The following CEP128 variants were observed in gnomAD, a reference collection of about 807,000 sequenced individuals.
CEP128 encodes centrosomal protein 128kDa.
In CEP128, 132 loss-of-function variants were observed where a neutral mutation model predicts 156.7. The ratio of observed to expected loss-of-function variants is 0.84; its 90% confidence interval spans 0.73 to 0.97. The LOEUF (loss-of-function observed/expected upper bound fraction) is 0.97. CEP128 is among the 50% of genes least tolerant of loss of function. The pLI, the probability that CEP128 is intolerant of heterozygous loss-of-function variation, is 0.00. For synonymous variants in CEP128, 469 were observed against 448.9 expected (o/e 1.04, Z -0.57); for missense variants, 1,252 against 1,281.9 (o/e 0.98, Z 0.36).
At chr14:80,539,265 ATTTTAGACACAGGGGTCTG>A (rs1458288487) in intron 21 of CEP128, among the ~76,000 whole-genome samples, 2 of 152,176 alleles carry the variant, frequency 1.3e-5, no homozygotes, top group Non-Finnish European at 2.9e-5. Flanking sequence ...TAGGGTTTCT[ATTTTAGACACAGGGGTCTG>A]TGACAGCCTC....
Position 80,916,537 on chromosome 14 carries a change from G to A in CEP128, c.11C>T (p.Ser4Leu). Residue 4 changes from serine (S) to leucine (L), a missense_variant, in exon 3 of 25, where the codon TCA becomes TTA. Physicochemically the swap from Ser to Leu is moderately radical, Grantham distance 145. Coordinates refer to ENST00000555265, the MANE Select transcript of CEP128 (RefSeq NM_152446.5). MAE[S>L]SSESDHFRCR... ...GCGGAAGTGATCTGATTCGCTGGAT[G>A]ATTCTGCCATTGATGTACACAAATC... The A allele has an allele frequency of 6.2e-7, 1 of 1,613,494 alleles. No individual in the cohort carries two copies. The highest frequency in any genetic ancestry group is 1.1e-5 in the South Asian group (1 of 90,970).
chr14:80,533,786 C>G (rs1889345575), intron 21 of CEP128, among the ~76,000 whole-genome samples: 1 of 152,054 alleles, frequency 6.6e-6, no homozygotes, highest in Non-Finnish European at 1.5e-5. Flanking sequence ...TCCTCAATAT[C>G]AGAAACACTT....
At chr14:80,893,418 T>C (rs890637518) in intron 8 of CEP128, among the ~76,000 whole-genome samples, 6 of 150,668 alleles carry the variant, frequency 4.0e-5, no homozygotes, top group Non-Finnish European at 8.9e-5. Flanking sequence ...ATCTAAAGTA[T>C]AACATGAGAA....
chr14:80,873,416 G>A (rs1006365000), intron 8 of CEP128, among the ~76,000 whole-genome samples: 4 of 152,206 alleles, frequency 2.6e-5, no homozygotes, highest in African/African-American at 9.7e-5. Flanking sequence ...TTTGCTATGT[G>A]AAAGAAATCC....
chr14:80,783,352 T>G (rs1217805657), intron 15 of CEP128, among the ~76,000 whole-genome samples: 2 of 152,072 alleles, frequency 1.3e-5, no homozygotes, highest in African/African-American at 4.8e-5. Context: ...TTACCTGAGT[T>G]CAAATCCTTT....
At chr14:80,599,198 G>A (rs1757733209) in intron 19 of CEP128, among the ~76,000 whole-genome samples, 1 of 151,158 alleles carries the variant, frequency 6.6e-6, no homozygotes, top group African/African-American at 2.4e-5. Flanking sequence ...CCTCTTTGAG[G>A]TTAACACCTC....
chr14:80,709,141 T>A (rs1015050257), intron 19 of CEP128, among the ~76,000 whole-genome samples: 2 of 150,260 alleles, frequency 1.3e-5, no homozygotes, highest in African/African-American at 2.5e-5. Flanking sequence ...ATTTTTAGGG[T>A]TTTTGTTTTT....
intron 14 of CEP128, among the ~76,000 whole-genome samples, chr14:80,481,621 A>G (rs1293269918): frequency 6.6e-6 from 1 of 152,240 alleles, no homozygotes. Flanking sequence ...TAGAAATGGA[A>G]AGTGACCCAG....
intron 1 of CEP128, among the ~76,000 whole-genome samples, chr14:80,941,315 A>G (rs908456324): frequency 4.6e-5 from 7 of 152,122 alleles, no homozygotes; most frequent in African/African-American, 1.7e-4. Context: ...GCTGCTCCCA[A>G]AGGAAGGACA....
chr14:80,540,765 G>C (rs914156083), intron 21 of CEP128, among the ~76,000 whole-genome samples: 1 of 152,100 alleles, frequency 6.6e-6, no homozygotes, highest in Admixed American at 6.5e-5. Context: ...TTACTCCTAG[G>C]CTGGGGACTT....
intron 9 of CEP128, among the ~76,000 whole-genome samples, chr14:80,854,602 T>C (rs529098521): frequency 3.3e-5 from 5 of 152,176 alleles, no homozygotes; most frequent in African/African-American, 4.8e-5. Context: ...GGAAGAGATG[T>C]AGGAAAAAAA....
chr14:80,733,261 T>C (rs1261378256), intron 19 of CEP128, among the ~76,000 whole-genome samples: 1 of 152,046 alleles, frequency 6.6e-6, no homozygotes, highest in Non-Finnish European at 1.5e-5. Context: ...AGACTGGAAC[T>C]ATACCATAGG....
At chr14:80,866,603 A>T (rs1047935330) in intron 8 of CEP128, among the ~76,000 whole-genome samples, 1 of 152,190 alleles carries the variant, frequency 6.6e-6, no homozygotes, top group African/African-American at 2.4e-5. Context: ...GAGCCTACCA[A>T]AAATCTCTGC....
chr14:80,903,629 T>TAAAGAACTC (rs1322896772), intron 6 of CEP128, among the ~76,000 whole-genome samples: 2 of 147,890 alleles, frequency 1.4e-5, no homozygotes, highest in Non-Finnish European at 3.0e-5. Context: ...CCAAAATATA[T>TAAAGAACTC]AAAGAACTCA....
In CEP128 at chr14:80,832,017, G is replaced by T. The variant is rs569438241; in HGVS notation, c.1058-723C>A. Among the ~76,000 whole-genome samples the T allele has an allele frequency of 2.6e-5, 4 of 152,266 alleles. No individual in the cohort carries two copies. The East Asian group carries it at 7.7e-4, about 29-fold the overall frequency. On this transcript the variant is annotated intron_variant, in intron 12 of 24. Coordinates refer to ENST00000555265, the MANE Select transcript of CEP128 (RefSeq NM_152446.5). ...AAGTGGGAGGTAATTGAATCATGGG[G>T]GCAGCTCTTTCCATGCTGTTCTCAT...
chr14:80,751,964 T>C (rs985683543), intron 18 of CEP128, among the ~76,000 whole-genome samples: 6 of 152,108 alleles, frequency 3.9e-5, no homozygotes, highest in Non-Finnish European at 7.4e-5. Context: ...AGTTGAGTAG[T>C]TGATAGCTTC....
chr14:80,535,946 C>A (rs1414682539), intron 21 of CEP128, among the ~76,000 whole-genome samples: 1 of 152,196 alleles, frequency 6.6e-6, no homozygotes, highest in East Asian at 1.9e-4. Flanking sequence ...GAAATCTTGT[C>A]TAATAGGCCC....
At chr14:80,560,154 A>G (rs1890608414) in intron 20 of CEP128, among the ~76,000 whole-genome samples, 4 of 152,154 alleles carry the variant, frequency 2.6e-5, no homozygotes. Context: ...GGTCAGGTGC[A>G]ATGCCTCACA....
chr14:80,661,672 T>A (rs192903466), intron 19 of CEP128, among the ~76,000 whole-genome samples: 2 of 152,194 alleles, frequency 1.3e-5, no homozygotes, highest in Non-Finnish European at 2.9e-5. Flanking sequence ...TCTGAAATTA[T>A]AATTCTTATC....
Sources: gnomAD v4.1 joint callset for allele counts (sites outside exome capture counted in the v4.1 genomes callset) on GRCh38, gnomAD v4.1.1 for gene constraint, MANE v1.5 for transcripts, NCBI Gene and HGNC (gene_info 2026-07-23, HGNC 2026-07-21) for gene names.